The following NBPF9 variants were observed in gnomAD, a reference collection of about 807,000 sequenced individuals.
NBPF9 encodes NBPF member 9.
Under a neutral mutation model 97.8 loss-of-function variants are expected in NBPF9, and 91 were observed. The ratio of observed to expected loss-of-function variants is 0.93; its 90% CI spans 0.79 to 1.11. The LOEUF (loss-of-function observed/expected upper bound fraction) is 1.11. NBPF9 is among the 50% of genes least tolerant of loss of function. The pLI is 0.00. For synonymous variants in NBPF9, 334 were observed against 359.5 expected (o/e 0.93, Z 0.80); for missense variants, 992 against 939.5 (o/e 1.06, Z -0.73).
chr1:149,072,749 C>T (rs1553653250), exon 14 of NBPF9: 1 of 1,610,134 alleles, frequency 6.2e-7, no homozygotes, highest in South Asian at 1.1e-5. Context: ...GGTGCTGTGC[C>T]AGTCTACACC....
At chr1:149,087,833 T>A (rs1309280988) in intron 5 of NBPF9, among the ~76,000 whole-genome samples, 10 of 133,990 alleles carry the variant, frequency 7.5e-5, no homozygotes, top group South Asian at 2.6e-4. Context: ...CTTTCCTTTT[T>A]TTTTTTTTTT....
At chr1:149,082,819 G>T (rs1473814749) in intron 5 of NBPF9, among the ~76,000 whole-genome samples, 21 of 141,156 alleles carry the variant, frequency 1.5e-4, no homozygotes, top group South Asian at 9.1e-4. Context: ...TCACTCTGTC[G>T]CCCAGGCTGG....
chr1:149,079,778 G>T (rs1244761773), intron 8 of NBPF9, among the ~76,000 whole-genome samples: 13 of 151,952 alleles, frequency 8.6e-5, no homozygotes, highest in African/African-American at 2.9e-4. Flanking sequence ...ATGCTGCTAG[G>T]TGGTTCCCAC....
intron 17 of NBPF9, among the ~76,000 whole-genome samples, chr1:149,067,917 A>G (rs1297975917): frequency 3.4e-5 from 5 of 145,794 alleles, no homozygotes; most frequent in Non-Finnish European, 7.4e-5. Flanking sequence ...ACTAGTTTAC[A>G]GTCCCACCAA....
rs1294535358 is a variant in NBPF9 at position 149,062,430 on chromosome 1, G to T, written c.2079-165C>A. Among the ~76,000 whole-genome samples the T allele has an allele frequency of 9.8e-5, 14 of 143,544 alleles. 4 individuals carry two copies. Among genetic ancestry groups the T allele is most frequent in the Non-Finnish European group, 2.0e-4 (13 of 65,152 alleles). 94.2% of individuals were successfully genotyped at this position (143,544 alleles called of 152,430 possible). A position where few individuals can be genotyped will look rare whatever the true frequency, so the allele number is the denominator to read the frequency against. On this transcript the variant is annotated intron_variant, in intron 21 of 29. Transcript: ENST00000584027. ...TTTAGGTTGGGATAGACCAGGGTCAGGTGGAAAAGAATGAAAGAGAAAGAC... is the reference window on the plus strand; with the variant it reads ...TTTAGGTTGGGATAGACCAGGGTCATGTGGAAAAGAATGAAAGAGAAAGAC...
rs1348729463 is a variant in NBPF9 at position 149,085,696 on chromosome 1, T to G, written c.-194-3266A>C. ...TCTGGCTATTAATCTCTATTATGTT[T>G]TATTGAATTTCATTTTCTAGCTGCT... On this transcript the variant is annotated intron_variant, in intron 5 of 29. Coordinates refer to ENST00000584027, the Ensembl canonical transcript of NBPF9. Among the ~76,000 whole-genome samples, 13 of 152,026 alleles carry G rather than the reference T, an allele frequency of 8.6e-5. No individual in the cohort carries two copies. In the East Asian group the frequency reaches 2.3e-3, roughly 27 times the overall value.
At position 149,072,623 on chromosome 1, in the gene NBPF9, A is replaced by C. The variant is rs1345903039; in HGVS notation, c.1306+95T>G. Reference sequence around the variant, plus strand: ...GGCCACATAAGCTTAGTGGAAAAAAACACCATTGATACAACTGTCATTGTG... The same window carrying C: ...GGCCACATAAGCTTAGTGGAAAAAACCACCATTGATACAACTGTCATTGTG... On this transcript the variant is annotated intron_variant, in intron 14 of 29. Transcript: ENST00000584027. The C allele has an allele frequency of 2.1e-5, 31 of 1,487,222 alleles. No homozygotes were observed. The Admixed American group carries it at 5.0e-4, about 24-fold the overall frequency. 92.1% of individuals were successfully genotyped at this position (1,487,222 alleles called of 1,614,324 possible).
At chr1:149,093,271 C>A (rs1299062478) in intron 4 of NBPF9, among the ~76,000 whole-genome samples, 2 of 151,792 alleles carry the variant, frequency 1.3e-5, no homozygotes, top group Admixed American at 6.6e-5. Flanking sequence ...AGTCCTAAGG[C>A]GGTTTTCTCC....
chr1:149,082,124 C>G, exon 7 of NBPF9: 4 of 1,611,852 alleles, frequency 2.5e-6, no homozygotes, highest in South Asian at 1.1e-5. Flanking sequence ...GACCAAGGGC[C>G]GGCTGATACC....
At chr1:149,084,340 A>G (rs1303981449) in intron 5 of NBPF9, among the ~76,000 whole-genome samples, 9 of 147,812 alleles carry the variant, frequency 6.1e-5, no homozygotes, top group Admixed American at 2.0e-4. Context: ...ATGAATATAT[A>G]TAATATATAT....
chr1:149,071,235 G>A, intron 15 of NBPF9, 96 bp from the exon 16 acceptor site: 2 of 1,244,006 alleles, frequency 1.6e-6, no homozygotes, highest in African/African-American at 1.5e-5. Context: ...GGCATTAAGA[G>A]AGTGGTCCCA....
At chr1:149,077,506 G>A in intron 10 of NBPF9, 87 bp from the exon 11 acceptor site, 7 of 1,576,784 alleles carry the variant, frequency 4.4e-6, no homozygotes, top group African/African-American at 2.7e-5. Context: ...TTGACAGGCG[G>A]CATTAAGAGA....
rs1318630963 is a variant in NBPF9, at chr1:149,076,537, C to T, written c.778+671G>A. Among the ~76,000 whole-genome samples the T allele has an allele frequency of 2.7e-5, 4 of 147,752 alleles. No homozygotes were observed. The East Asian group carries it at 7.9e-4, about 29-fold the overall frequency. Reference sequence around the variant, plus strand: ...TTTTTTTTTGAGATGGAGTCTCGCTCTGTCTCCCAGGCTGGAGTGCAGTGG... The same window carrying T: ...TTTTTTTTTGAGATGGAGTCTCGCTTTGTCTCCCAGGCTGGAGTGCAGTGG... On this transcript the variant is annotated intron_variant, in intron 11 of 29. Coordinates refer to ENST00000584027, the Ensembl canonical transcript of NBPF9.
intron 5 of NBPF9, among the ~76,000 whole-genome samples, chr1:149,087,778 T>A (rs2081129092): frequency 6.6e-6 from 1 of 151,324 alleles, no homozygotes; most frequent in African/African-American, 2.4e-5. Flanking sequence ...CCCAAAGCAA[T>A]TTTTTGTAGT....
chr1:149,085,364 T>C (rs1165770961), intron 5 of NBPF9, among the ~76,000 whole-genome samples: 16 of 152,210 alleles, frequency 1.1e-4, no homozygotes, highest in Non-Finnish European at 2.4e-4. Flanking sequence ...AAAATTACTG[T>C]AGCTTTAAAA....
exon 14 of NBPF9, chr1:149,072,790 C>A: frequency 6.3e-7 from 1 of 1,581,744 alleles, no homozygotes; most frequent in South Asian, 1.1e-5. Context: ...AGGTCCTGCC[C>A]CTGGGACTTG....
downstream of NBPF9, among the ~76,000 whole-genome samples, chr1:149,053,836 G>T: frequency 6.8e-6 from 1 of 147,384 alleles, no homozygotes; most frequent in South Asian, 2.2e-4. Flanking sequence ...CATTTTTAGT[G>T]CAATATTTAA....
rs370832852 is a variant in NBPF9, at chr1:149,055,869, C to G, written c.3123G>C (p.Glu1041Asp). 20 of 1,610,262 alleles carry G rather than the reference C, an allele frequency of 1.2e-5. 1 individual carries two copies. Residue 1041 changes from glutamate (E) to aspartate (D), a missense_variant, in exon 30 of 30, where the codon GAG (glutamate) becomes GAC (aspartate). By Grantham distance (45) the Glu-to-Asp change is conservative (BLOSUM62 2). Around this residue, in one of 11 missense-constraint regions of NBPF9, gnomAD observed 397 missense variants for 213.6 expected, o/e 1.86. Transcript: ENST00000584027. ...CCAGTGAGTCCTGCAAGACTTCAGG[C>G]TCTTCCACTTCCATCAGCACGCCGT... is the stretch of plus-strand genomic sequence containing the variant.
chr1:149,070,711 A>T (rs2079336656), intron 16 of NBPF9, among the ~76,000 whole-genome samples: 1 of 152,066 alleles, frequency 6.6e-6, no homozygotes, highest in Non-Finnish European at 1.5e-5. Context: ...CACTCAGGTG[A>T]CTATGAGATT....
Sources: gnomAD v4.1 joint callset for allele counts (sites outside exome capture counted in the v4.1 genomes callset) on GRCh38, gnomAD v4.1.1 for gene constraint, gnomAD v4.1.1 regional missense constraint, MANE v1.5 for transcripts, NCBI Gene and HGNC (gene_info 2026-07-23, HGNC 2026-07-21) for gene names.